The following KLHL15 variants were observed in gnomAD, a reference collection of about 807,000 sequenced individuals.
The protein encoded by KLHL15 is kelch like family member 15, also known as kelch-like protein 15.
Under a neutral mutation model 29.3 loss-of-function variants are expected in KLHL15, and 1 was observed. That is an observed-to-expected ratio of 0.03 (90% confidence interval 0.01 to 0.16). The LOEUF (loss-of-function observed/expected upper bound fraction) is 0.16, where lower values mean the gene tolerates loss of function less well. KLHL15 is among the 10% of genes least tolerant of loss of function. KLHL15 has a pLI of 1.00. For missense variants in KLHL15, 215 were observed against 478.5 expected, an observed-to-expected ratio of 0.45 and a Z score of 5.14; for synonymous variants, 212 against 184.5, an observed-to-expected ratio of 1.15 and a Z score of -1.21.
rs904172617 is a variant in KLHL15, at chrX:23,984,733, A to G, written c.*3188T>C. 8.9e-6 allele frequency: 1 copy of G among 112,507 alleles called. No homozygotes were observed. The highest frequency in any genetic ancestry group is 1.9e-5 in the Non-Finnish European group (1 of 53,280). The allele number at this position is 112,507 out of a possible 1,213,427, so 9.3% of individuals were successfully genotyped here. On this transcript the variant is annotated 3_prime_UTR_variant, in exon 4 of 4. Coordinates refer to ENST00000328046, the MANE Select transcript of KLHL15 (RefSeq NM_030624.3). ...CAGCTCAAATAATCTGTTATAAAAT[A>G]TTTTAAAGCTTAGTTTCATGTAATT...
intron 2 of KLHL15, among the ~76,000 whole-genome samples, chrX:24,018,407 A>G (rs1193747222): frequency 1.8e-5 from 2 of 110,494 alleles, no homozygotes; most frequent in Non-Finnish European, 1.9e-5. Context: ...TCAACACTTT[A>G]TACATGGCCT....
At chrX:24,020,567 G>A (rs753650900) in intron 2 of KLHL15, among the ~76,000 whole-genome samples, 12 of 110,815 alleles carry the variant, frequency 1.1e-4, no homozygotes, top group South Asian at 3.7e-4. Context: ...TTAGCATTTC[G>A]TCATCCTATA....
chrX:24,001,905 G>C (rs1025599846), intron 3 of KLHL15, among the ~76,000 whole-genome samples: 1 of 108,133 alleles, frequency 9.2e-6, no homozygotes, highest in Non-Finnish European at 1.9e-5. Flanking sequence ...AGGCCAAGGC[G>C]GGTGGATCAC....
rs1169628321 is a variant in KLHL15, at chrX:23,985,958, C to CT, written c.*1962dup. 1 of 111,132 alleles carries CT rather than the reference C, an allele frequency of 9.0e-6. No individual in the cohort carries two copies. The highest frequency in any genetic ancestry group is 1.9e-5 in the Non-Finnish European group (1 of 52,967). 9.2% of individuals were successfully genotyped at this position (111,132 alleles called of 1,213,427 possible). ...TGTATTTTTTAAATGTAGAAAAAGA[C>CT]TTTTACCCATATTACCATGGGAAAC... On this transcript the variant is annotated 3_prime_UTR_variant, in exon 4 of 4. Transcript: ENST00000328046.
intron 2 of KLHL15, among the ~76,000 whole-genome samples, chrX:24,024,121 C>T (rs1929869606): frequency 8.9e-6 from 1 of 111,846 alleles, no homozygotes; most frequent in Admixed American, 9.5e-5. Context: ...AAAGCCCCTA[C>T]GGTAACGTTA....
At chrX:24,015,727 G>T (rs1055691980) in intron 2 of KLHL15, among the ~76,000 whole-genome samples, 1 of 112,561 alleles carries the variant, frequency 8.9e-6, no homozygotes, top group Non-Finnish European at 1.9e-5. Context: ...GACCGGACAC[G>T]GTGGCTCACG....
In KLHL15 at chrX:24,025,024, G is replaced by A. The variant is rs893091878; in HGVS notation, c.-175C>T. On this transcript the variant is annotated 5_prime_UTR_variant, in exon 2 of 4. Transcript: ENST00000328046. ...GAGCCGGGTCGCTCCGGCGGGGCAC[G>A]AGAGTGCTCGCCTGCAGCCCCCTCT... is the stretch of plus-strand genomic sequence containing the variant. The A allele has an allele frequency of 1.7e-5, 5 of 296,960 alleles. No homozygotes were observed. The highest frequency in any genetic ancestry group is 1.1e-4 in the African/African-American group (4 of 36,950). 24.5% of individuals were successfully genotyped at this position (296,960 alleles called of 1,213,427 possible).
chrX:23,983,822 G>T lies in KLHL15; in HGVS notation c.*4099C>A, dbSNP rs1180705501. The T allele has an allele frequency of 9.0e-6, 1 of 111,629 alleles. No homozygotes were observed. Among genetic ancestry groups the T allele is most frequent in the Non-Finnish European group, 1.9e-5 (1 of 53,090 alleles). The allele number at this position is 111,629 out of a possible 1,213,427, so 9.2% of individuals were successfully genotyped here. On this transcript the variant is annotated 3_prime_UTR_variant, in exon 4 of 4. Coordinates refer to ENST00000328046, the MANE Select transcript of KLHL15 (RefSeq NM_030624.3). ...TGGATAGCATAAACATGTTTGAATA[G>T]ATTATATCCACGGCTTGGGAAAAAT...
At position 23,984,104 on chromosome X, in the gene KLHL15, C is replaced by CT. The variant is rs1322958349; in HGVS notation, c.*3816dup. 1 of 111,721 alleles carries CT rather than the reference C, an allele frequency of 9.0e-6. No homozygotes were observed. The highest frequency in any genetic ancestry group is 9.6e-5 in the Admixed American group (1 of 10,454). The allele number at this position is 111,721 out of a possible 1,213,427, so 9.2% of individuals were successfully genotyped here. ...ACACCTAATCCTTACTATATACTGA[C>CT]TAATAACATTTTAAATGCAGTTGTT... On this transcript the variant is annotated 3_prime_UTR_variant, in exon 4 of 4. Coordinates refer to ENST00000328046, the MANE Select transcript of KLHL15 (RefSeq NM_030624.3).
chrX:23,994,538 C>A (rs925556825), intron 3 of KLHL15, among the ~76,000 whole-genome samples: 1 of 111,897 alleles, frequency 8.9e-6, no homozygotes, highest in African/African-American at 3.2e-5. Context: ...CAGTATGTGG[C>A]TCATCTTTTC....
At position 24,015,958 on chromosome X, in the gene KLHL15, C is replaced by T. The variant is rs796959580; in HGVS notation, c.-8+8899G>A. On this transcript the variant is annotated intron_variant, in intron 2 of 3. Coordinates refer to ENST00000328046, the MANE Select transcript of KLHL15 (RefSeq NM_030624.3). ...AGGTTGCAGTAAGCCGAGATCGGGC[C>T]GCTGCACTCCAGCCTGGGCAACAAG... Among the ~76,000 whole-genome samples the T allele has an allele frequency of 5.5e-5, 6 of 110,031 alleles. No individual in the cohort carries two copies. The East Asian group carries it at 1.7e-3, about 31-fold the overall frequency.
At chrX:24,021,742 G>A (rs1459393297) in intron 2 of KLHL15, among the ~76,000 whole-genome samples, 1 of 110,737 alleles carries the variant, frequency 9.0e-6, no homozygotes, top group Non-Finnish European at 1.9e-5. Flanking sequence ...TGTGAAGTTG[G>A]GGTCTGCCTG....
At chrX:24,024,657 TC>T (rs1164682415) in intron 2 of KLHL15, among the ~76,000 whole-genome samples, 199 bp downstream of exon 2, 1 of 113,421 alleles carries the variant, frequency 8.8e-6, no homozygotes, top group African/African-American at 3.2e-5. Flanking sequence ...TTATGCTTCT[TC>T]CTTTTTCTTT....
chrX:24,003,643 ATATATGTG>A (rs1195445097), intron 3 of KLHL15, among the ~76,000 whole-genome samples: 1 of 74,997 alleles, frequency 1.3e-5, no homozygotes, highest in African/African-American at 8.0e-5. Flanking sequence ...CCTAGCATAA[ATATATGTG>A]TGTGTGTGTG....
At chrX:24,022,292 G>A (rs1287839835) in intron 2 of KLHL15, among the ~76,000 whole-genome samples, 1 of 100,565 alleles carries the variant, frequency 9.9e-6, no homozygotes, top group Non-Finnish European at 2.0e-5. Context: ...CCGAGATCGC[G>A]CCACTGCACT....
chrX:24,025,912 T>C (rs1264132686), intron 1 of KLHL15, among the ~76,000 whole-genome samples: 1 of 110,262 alleles, frequency 9.1e-6, no homozygotes, highest in Non-Finnish European at 1.9e-5. Flanking sequence ...CCTCGTCCCC[T>C]TGCAGCGGTC....
chrX:24,024,082 G>A (rs1929868358), intron 2 of KLHL15, among the ~76,000 whole-genome samples: 1 of 111,810 alleles, frequency 8.9e-6, no homozygotes, highest in Non-Finnish European at 1.9e-5. Flanking sequence ...AAGAAAAGGG[G>A]CCTAAAGCGG....
intron 2 of KLHL15, among the ~76,000 whole-genome samples, chrX:24,009,204 C>T (rs1320808154): frequency 9.1e-6 from 1 of 110,231 alleles, no homozygotes; most frequent in African/African-American, 3.3e-5. Flanking sequence ...ACTAAAAATA[C>T]AAAAATTAAA....
intron 2 of KLHL15, among the ~76,000 whole-genome samples, chrX:24,024,248 C>T (rs1192738245): frequency 8.9e-6 from 1 of 111,858 alleles, no homozygotes; most frequent in East Asian, 2.8e-4. Flanking sequence ...ACTATTATTC[C>T]GTACTTATTT....
Sources: allele counts gnomAD v4.1 joint callset (sites outside exome capture counted in the v4.1 genomes callset), GRCh38; gene constraint gnomAD v4.1.1; transcripts MANE v1.5; gene names NCBI Gene and HGNC (gene_info 2026-07-23, HGNC 2026-07-21).